MRPL51: variants seen among roughly 807,000 people sequenced by gnomAD.
MRPL51 encodes the protein mitochondrial ribosomal protein L51.
In MRPL51, 6 loss-of-function variants were observed where a neutral mutation model predicts 15.0. That is an observed-to-expected ratio of 0.40 (90% CI 0.22 to 0.79). MRPL51 has a LOEUF of 0.79. Ranked by LOEUF, MRPL51 falls within the 30% of genes least tolerant of loss-of-function variation. The pLI, the probability that MRPL51 is intolerant of heterozygous loss-of-function variation, is 0.36. For synonymous variants in MRPL51, 65 were observed against 58.3 expected (o/e 1.11, Z -0.52); for missense variants, 155 against 166.4 (o/e 0.93, Z 0.38).
In MRPL51 at chr12:6,492,073, T is replaced by C. The variant is rs1945925046; in HGVS notation, c.*198A>G. On this transcript the variant is annotated 3_prime_UTR_variant, in exon 3 of 3. Transcript: ENST00000229238. ...AGCCCAAACCTAAGATCCTAAGATC[T>C]AGGATGAGTCAAGACTTCATAGTCT... 8.9e-6 allele frequency: 5 copies of C among 559,034 alleles called. No homozygotes were observed. In the East Asian group the frequency reaches 1.5e-4, roughly 17 times the overall value. 34.6% of individuals were successfully genotyped at this position (559,034 alleles called of 1,614,324 possible).
At position 6,492,336 on chromosome 12, in the gene MRPL51, G is replaced by A; in HGVS notation, c.322C>T (p.His108Tyr). The A allele has an allele frequency of 6.2e-7, 1 of 1,614,098 alleles. No homozygotes were observed. Among genetic ancestry groups the A allele is most frequent in the Non-Finnish European group, 8.5e-7 (1 of 1,180,024 alleles). The change falls in exon 3 of 3, where the codon CAC becomes TAC. Residue 108 changes from histidine to tyrosine, a missense_variant. Transcript: ENST00000229238. ...TAGCGGATGCGTTTATTAAGGTTGT[G>A]CAGGTCATCAGCGAACATTCTACTT... The part of the protein sequence containing the change: ...VGSRMFADDL[H>Y]NLNKRIRYLY...
rs1006105633 is a variant in MRPL51 at position 6,492,188 on chromosome 12, A to T, written c.*83T>A. On this transcript the variant is annotated 3_prime_UTR_variant, in exon 3 of 3. Transcript: ENST00000229238. ...CCATTTTATTACAGAGAAAATACAA[A>T]GCCGTTTCCTCACAGGGAAAAGTAC... is the stretch of plus-strand genomic sequence containing the variant. 7.2e-6 allele frequency: 10 copies of T among 1,387,810 alleles called. No individual in the cohort carries two copies. Among genetic ancestry groups the T allele is most frequent in the African/African-American group, 1.4e-5 (1 of 69,028 alleles). The allele number at this position is 1,387,810 out of a possible 1,614,324, so 86.0% of individuals were successfully genotyped here.
rs1284254604 is a variant in MRPL51, at chr12:6,492,075, G to A, written c.*196C>T. 3.2e-5 allele frequency: 18 copies of A among 562,138 alleles called. No homozygotes were observed. Among genetic ancestry groups the A allele is most frequent in the Non-Finnish European group, 4.6e-5 (15 of 327,650 alleles). 34.8% of individuals were successfully genotyped at this position (562,138 alleles called of 1,614,324 possible). On this transcript the variant is annotated 3_prime_UTR_variant, in exon 3 of 3. Coordinates refer to ENST00000229238, the MANE Select transcript of MRPL51 (RefSeq NM_016497.4). ...CCCAAACCTAAGATCCTAAGATCTA[G>A]GATGAGTCAAGACTTCATAGTCTAC...
chr12:6,492,169 T>G lies in MRPL51; in HGVS notation c.*102A>C. On this transcript the variant is annotated 3_prime_UTR_variant, in exon 3 of 3. Transcript: ENST00000229238. ...ATCAAATTCCAAAGAAGCCCCATTT[T>G]ATTACAGAGAAAATACAAAGCCGTT... The G allele has an allele frequency of 7.9e-7, 1 of 1,273,776 alleles. No homozygotes were observed. Among genetic ancestry groups the G allele is most frequent in the Non-Finnish European group, 1.1e-6 (1 of 922,500 alleles). 78.9% of individuals were successfully genotyped at this position (1,273,776 alleles called of 1,614,324 possible). A position where few individuals can be genotyped will look rare whatever the true frequency, so the allele number is the denominator to read the frequency against.
intron 2 of MRPL51, 101 bp downstream of exon 2, chr12:6,492,761 C>G (rs958083722): frequency 1.7e-6 from 2 of 1,192,196 alleles, no homozygotes; most frequent in African/African-American, 3.0e-5. Context: ...TTTGCTCTTA[C>G]TATTGAGCAC....
rs1354893197 is a variant in MRPL51, at chr12:6,493,238, T to C, written c.-102A>G. On this transcript the variant is annotated 5_prime_UTR_variant, in exon 1 of 3. An upstream start codon of the reference 5' UTR is lost. Coordinates refer to ENST00000229238, the MANE Select transcript of MRPL51 (RefSeq NM_016497.4). Reference sequence around the variant, plus strand: ...ACGAGTACTAAGGCGAAGACAGCCATCTTGGGCCTTACCCAGGCAGCTGTG... The same window carrying C: ...ACGAGTACTAAGGCGAAGACAGCCACCTTGGGCCTTACCCAGGCAGCTGTG... 5.4e-6 allele frequency: 7 copies of C among 1,286,498 alleles called. No individual in the cohort carries two copies. Among genetic ancestry groups the C allele is most frequent in the East Asian group, 4.9e-5 (2 of 40,578 alleles). 79.7% of individuals were successfully genotyped at this position (1,286,498 alleles called of 1,614,324 possible).
intron 2 of MRPL51, 63 bp downstream of exon 2, chr12:6,492,799 G>T (rs1945934604): frequency 6.8e-7 from 1 of 1,469,140 alleles, no homozygotes; most frequent in Non-Finnish European, 9.5e-7. Flanking sequence ...AGGAGGAAAA[G>T]ATAGTCGTTA....
In MRPL51 at chr12:6,492,875, G is replaced by A. The variant is rs994316240; in HGVS notation, c.177C>T (p.Asn59=). The change falls in exon 2 of 3, where the codon AAC becomes AAT. Residue 59 remains asparagine, a synonymous_variant. Transcript: ENST00000229238. ...EKRAMFGVYD[N]IGILGNFEKH... ...GTCAAGTCTTACCCAGGATCCCGATGTTGTCATACACTCCGAACATGGCCC... is the reference window on the plus strand; with the variant it reads ...GTCAAGTCTTACCCAGGATCCCGATATTGTCATACACTCCGAACATGGCCC... 7 of 1,612,002 alleles carry A rather than the reference G, an allele frequency of 4.3e-6. No individual in the cohort carries two copies. Among genetic ancestry groups the A allele is most frequent in the African/African-American group, 1.3e-5 (1 of 74,846 alleles).
rs1430524231 is a variant in MRPL51 at position 6,492,869 on chromosome 12, C to T, written c.183G>A (p.Gly61=). The change falls in exon 2 of 3, where the codon GGG becomes GGA. Residue 61 remains glycine (G), a synonymous_variant. Transcript: ENST00000229238. ...TCGAAGGTCAAGTCTTACCCAGGATCCCGATGTTGTCATACACTCCGAACA... is the reference window on the plus strand; with the variant it reads ...TCGAAGGTCAAGTCTTACCCAGGATTCCGATGTTGTCATACACTCCGAACA... ...RAMFGVYDNI[G]ILGNFEKHPK... 1 of 1,610,158 alleles carries T rather than the reference C, an allele frequency of 6.2e-7. No individual in the cohort carries two copies. Among genetic ancestry groups the T allele is most frequent in the Non-Finnish European group, 8.5e-7 (1 of 1,176,558 alleles).
chr12:6,492,528 A>C, intron 2 of MRPL51, 61 bp from the exon 3 acceptor site: 1 of 1,500,486 alleles, frequency 6.7e-7, no homozygotes, highest in East Asian at 2.3e-5. Context: ...ACACCAGCTA[A>C]GCTTTCAACC....
In MRPL51 at chr12:6,492,148, A is replaced by C. The variant is rs1945926016; in HGVS notation, c.*123T>G. 4 of 1,051,604 alleles carry C rather than the reference A, an allele frequency of 3.8e-6. No homozygotes were observed. Among genetic ancestry groups the C allele is most frequent in the Non-Finnish European group, 5.5e-6 (4 of 728,046 alleles). 65.1% of individuals were successfully genotyped at this position (1,051,604 alleles called of 1,614,324 possible). ...GGAAAACAAAAGTATGTGGCTATCA[A>C]ATTCCAAAGAAGCCCCATTTTATTA... On this transcript the variant is annotated 3_prime_UTR_variant, in exon 3 of 3. Coordinates refer to ENST00000229238, the MANE Select transcript of MRPL51 (RefSeq NM_016497.4).
Position 6,492,440 on chromosome 12 carries a change from A to C in MRPL51, c.218T>G (p.Leu73Arg). Residue 73 changes from leucine to arginine, a missense_variant, in exon 3 of 3, where the codon CTG (leucine) becomes CGG (arginine). Coordinates refer to ENST00000229238, the MANE Select transcript of MRPL51 (RefSeq NM_016497.4). ...LGNFEKHPKE[L>R]IRGPIWLRGW... ...TCGAAGCCATATGGGCCCCCTGATC[A>C]GTTCTTTGGGGTGCTTTTCAAAGTT... 1.2e-6 allele frequency: 2 copies of C among 1,607,746 alleles called. No homozygotes were observed. The highest frequency in any genetic ancestry group is 1.7e-6 in the Non-Finnish European group (2 of 1,178,052).
intron 2 of MRPL51, 21 bp from the exon 3 acceptor site, chr12:6,492,488 C>T (rs1945931779): frequency 3.2e-6 from 5 of 1,575,746 alleles, no homozygotes; most frequent in Non-Finnish European, 4.3e-6. Flanking sequence ...TGAGAGAACA[C>T]ATTAGATCCA....
Position 6,492,344 on chromosome 12 carries a change from T to C in MRPL51, c.314A>G (p.Asp105Gly). The C allele has an allele frequency of 2.5e-6, 4 of 1,614,172 alleles. No homozygotes were observed. In the South Asian group the frequency reaches 4.4e-5, roughly 18 times the overall value. ...GCGTTTATTAAGGTTGTGCAGGTCA[T>C]CAGCGAACATTCTACTTCCAACCAT... ...RKMVGSRMFA[D>G]DLHNLNKRIR... The change falls in exon 3 of 3, where the codon GAT becomes GGT. Residue 105 changes from aspartate (D) to glycine (G), a missense_variant. Physicochemically the swap from Asp to Gly is moderately conservative, Grantham distance 94. Transcript: ENST00000229238.
intron 2 of MRPL51, 26 bp downstream of exon 2, chr12:6,492,836 G>A (rs763525773): frequency 6.4e-7 from 1 of 1,562,390 alleles, no homozygotes; most frequent in Non-Finnish European, 8.8e-7. Context: ...CTGAAATTGT[G>A]TACCACGTCG....
rs773123494 is a variant in MRPL51, at chr12:6,492,283, C to T, written c.375G>A (p.Gly125=). 3.7e-6 allele frequency: 6 copies of T among 1,600,722 alleles called. No individual in the cohort carries two copies. The highest frequency in any genetic ancestry group is 3.4e-6 in the Non-Finnish European group (4 of 1,174,740). The part of the protein sequence containing the change: ...RYLYKHFNRH[G]KFR ...TCAGCTTTCTCTTCTATCGAAACTTCCCATGTCGGTTAAAGTGTTTGTAGA... is the reference window on the plus strand; with the variant it reads ...TCAGCTTTCTCTTCTATCGAAACTTTCCATGTCGGTTAAAGTGTTTGTAGA... The change falls in exon 3 of 3, where the codon GGG becomes GGA. Residue 125 remains glycine (G), a synonymous_variant. Coordinates refer to ENST00000229238, the MANE Select transcript of MRPL51 (RefSeq NM_016497.4).
At chr12:6,492,497 C>T in intron 2 of MRPL51, 30 bp from the exon 3 acceptor site, 1 of 1,567,110 alleles carries the variant, frequency 6.4e-7, no homozygotes, top group South Asian at 1.2e-5. Flanking sequence ...ACATTAGATC[C>T]AAGACAAGAG....
rs1945938693 is a variant in MRPL51 at position 6,493,141 on chromosome 12, C to G, written c.-5G>C. 3.1e-6 allele frequency: 5 copies of G among 1,612,134 alleles called. No individual in the cohort carries two copies. In the East Asian group the frequency reaches 1.1e-4, roughly 36 times the overall value. ...GGATAAGAGGTTCCCTGCCATTTCT[C>G]TAGTCTCCCCCCTTCAACAGCACAC... On this transcript the variant is annotated 5_prime_UTR_variant, in exon 1 of 3. Transcript: ENST00000229238.
intron 2 of MRPL51, 61 bp downstream of exon 2, chr12:6,492,801 T>C (rs1292447007): frequency 2.0e-6 from 3 of 1,472,226 alleles, no homozygotes; most frequent in African/African-American, 1.4e-5. Context: ...GAGGAAAAGA[T>C]AGTCGTTACA....
Sources: allele counts gnomAD v4.1 joint callset, GRCh38; gene constraint gnomAD v4.1.1; transcripts MANE v1.5; gene names NCBI Gene and HGNC (gene_info 2026-07-23, HGNC 2026-07-21).